The following UNC79 variants were observed in gnomAD, a reference collection of about 807,000 sequenced individuals.
UNC79 encodes unc-79 subunit of NALCN channel complex.
A neutral mutation model predicts 283.1 loss-of-function variants in UNC79; 37 were observed. The ratio of observed to expected loss-of-function variants is 0.13; its 90% CI spans 0.10 to 0.17. The LOEUF (loss-of-function observed/expected upper bound fraction) is 0.17, where lower values mean the gene tolerates loss of function less well. Among genes scored for constraint, UNC79 ranks in the 10% least tolerant of loss-of-function variants. The pLI is 1.00. For synonymous variants in UNC79, 1,107 were observed against 1,200.2 expected (o/e 0.92, Z 1.61); for missense variants, 2,272 against 3,211.1 (o/e 0.71, Z 7.07).
upstream of UNC79, among the ~76,000 whole-genome samples, chr14:93,427,119 T>C (rs1165318073): frequency 6.6e-6 from 1 of 152,230 alleles, no homozygotes; most frequent in Admixed American, 6.5e-5. Context: ...GGCTTTCACA[T>C]GTGTGGTTCA....
At position 93,621,745 on chromosome 14, in the gene UNC79, A is replaced by G. The variant is rs1192376712; in HGVS notation, c.4512A>G (p.Ile1504Met). 1 of 1,614,166 alleles carries G rather than the reference A, an allele frequency of 6.2e-7. No individual in the cohort carries two copies. Among genetic ancestry groups the G allele is most frequent in the Admixed American group, 1.7e-5 (1 of 60,012 alleles). ...CTTTCAAACAAAAATCTCTTGATAT[A>G]GGGAATGCAGACTCGCTTTTGTTTA... Residue 1504 changes from isoleucine to methionine, a missense_variant, in exon 30 of 49, where the codon ATA (isoleucine) becomes ATG (methionine). Coordinates refer to ENST00000555664, the Ensembl canonical transcript of UNC79. This position sits in a 1 kb window ranked among gnomAD's most constrained non-coding sequence, Gnocchi z 4.8.
In UNC79 at chr14:93,390,680, A is replaced by T. The variant is rs140938846; in HGVS notation, c.-351+57157A>T. On this transcript the variant is annotated intron_variant, in intron 1 of 49. Coordinates refer to the UNC79 transcript ENST00000256339. ...TGTATGTCAGCCACATACAGTTGTA[A>T]AATGAAATATAAAAAGCAACCATTT... Among the ~76,000 whole-genome samples, 407 of 152,344 alleles carry T rather than the reference A, an allele frequency of 2.7e-3. 2 individuals are homozygous for T. Among genetic ancestry groups the T allele is most frequent in the African/African-American group, 8.7e-3 (360 of 41,584 alleles).
intron 1 of UNC79, among the ~76,000 whole-genome samples, chr14:93,397,445 C>A (rs1211604600): frequency 1.3e-5 from 2 of 152,194 alleles, no homozygotes; most frequent in Non-Finnish European, 2.9e-5. Flanking sequence ...CCAACTTGAT[C>A]CTGTCCTCTC....
intron 1 of UNC79, among the ~76,000 whole-genome samples, chr14:93,438,689 A>G (rs150225099): frequency 6.7e-6 from 1 of 148,546 alleles, no homozygotes; most frequent in African/African-American, 2.5e-5. Flanking sequence ...CGTAACCCTC[A>G]TTGCGTTAGA....
At chr14:93,574,991 A>G in intron 16 of UNC79, 67 bp from the exon 17 acceptor site, 1 of 1,540,828 alleles carries the variant, frequency 6.5e-7, no homozygotes, top group Non-Finnish European at 8.8e-7. Flanking sequence ...AAGAAGGTTA[A>G]ATATAGCTTT....
At chr14:93,358,302 A>G (rs1471666389) in intron 1 of UNC79, among the ~76,000 whole-genome samples, 1 of 152,188 alleles carries the variant, frequency 6.6e-6, no homozygotes, top group East Asian at 1.9e-4. Context: ...ACCAAGGAAC[A>G]TAATGAAGTT....
chr14:93,630,757 T>G, intron 30 of UNC79, 44 bp from the exon 33 acceptor site: 2 of 1,548,226 alleles, frequency 1.3e-6, no homozygotes, highest in East Asian at 4.5e-5. Context: ...TTGAACTTGC[T>G]TTTAATCAGT....
intron 1 of UNC79, among the ~76,000 whole-genome samples, chr14:93,345,591 G>T (rs1191515192): frequency 6.6e-6 from 1 of 152,070 alleles, no homozygotes. Flanking sequence ...AAAAAATCAT[G>T]GGCTAGAAGA....
At chr14:93,588,205 T>G (rs1209006709) in intron 22 of UNC79, among the ~76,000 whole-genome samples, 1 of 152,134 alleles carries the variant, frequency 6.6e-6, no homozygotes, top group Non-Finnish European at 1.5e-5. Context: ...TAATGATGTT[T>G]GGAGATCCAT....
In UNC79 at chr14:93,643,547, T is replaced by C. The variant is rs1280271564; in HGVS notation, c.5904-10T>C. ...CTTTCATGGAAAGCATGTCTCTCTT[T>C]TCTTTGCAGATGCCATGACTGTGGG... On this transcript the variant is annotated splice_polypyrimidine_tract_variant and intron_variant, in intron 33 of 48. Transcript: ENST00000555664. 1 of 1,613,866 alleles carries C rather than the reference T, an allele frequency of 6.2e-7. No homozygotes were observed. The highest frequency in any genetic ancestry group is 8.5e-7 in the Non-Finnish European group (1 of 1,180,034).
chr14:93,687,094 C>A (rs1400438031), intron 43 of UNC79, among the ~76,000 whole-genome samples: 1 of 152,168 alleles, frequency 6.6e-6, no homozygotes, highest in South Asian at 2.1e-4. Flanking sequence ...GCATCAGTTT[C>A]CTCATTTGAA....
chr14:93,522,100 C>A (rs1006894587), intron 7 of UNC79, among the ~76,000 whole-genome samples: 3 of 151,856 alleles, frequency 2.0e-5, no homozygotes, highest in Non-Finnish European at 2.9e-5. Context: ...AAAATTAAAG[C>A]AGTAGGACCT....
At chr14:93,365,452 C>A (rs2054310194) in intron 1 of UNC79, among the ~76,000 whole-genome samples, 1 of 149,034 alleles carries the variant, frequency 6.7e-6, no homozygotes, top group African/African-American at 2.5e-5. Context: ...AAAATCAATA[C>A]CATAAAAAAG....
intron 9 of UNC79, among the ~76,000 whole-genome samples, 169 bp from the exon 10 acceptor site, chr14:93,529,117 A>G (rs540373750): frequency 6.6e-6 from 1 of 152,322 alleles, no homozygotes; most frequent in Non-Finnish European, 1.5e-5. Flanking sequence ...TATAATTTAT[A>G]ATTTAGCTGG....
chr14:93,632,454 C>G (rs2068105142), intron 31 of UNC79, among the ~76,000 whole-genome samples: 1 of 152,098 alleles, frequency 6.6e-6, no homozygotes, highest in Non-Finnish European at 1.5e-5. Context: ...AATCCCAGCA[C>G]TTGGGAAGCT....
Position 93,460,464 on chromosome 14 carries a change from C to T in UNC79, c.23-7207C>T, listed in dbSNP as rs1463205733. Among the ~76,000 whole-genome samples the T allele has an allele frequency of 6.3e-5, 9 of 143,844 alleles. No homozygotes were observed. In the East Asian group the frequency reaches 1.6e-3, roughly 26 times the overall value. 94.4% of individuals were successfully genotyped at this position (143,844 alleles called of 152,430 possible). The stretch of plus-strand genomic sequence containing the variant: ...GGTGGAGGTTGCAGTGAGCCAAGAT[C>T]GTGCCACTGCACTTCAGCCTGGGCA... On this transcript the variant is annotated intron_variant, in intron 1 of 48. Transcript: ENST00000555664.
At chr14:93,706,735 A>G (rs1484474125) in exon 49 of UNC79, 2 of 1,614,116 alleles carry the variant, frequency 1.2e-6, no homozygotes, top group Non-Finnish European at 1.7e-6. Flanking sequence ...CTTCGCCTCC[A>G]GGCTATTCAG....
At chr14:93,370,849 CAAT>C (rs1339755397) in intron 1 of UNC79, among the ~76,000 whole-genome samples, 4 of 151,692 alleles carry the variant, frequency 2.6e-5, no homozygotes, top group East Asian at 1.9e-4. Flanking sequence ...TTGAAAACAA[CAAT>C]GACAACAAAG....
intron 1 of UNC79, among the ~76,000 whole-genome samples, chr14:93,354,004 G>A (rs1173261043): frequency 6.6e-6 from 1 of 152,176 alleles, no homozygotes; most frequent in Non-Finnish European, 1.5e-5. Flanking sequence ...AACTGGGGGA[G>A]GAGGGAGTCA....
Sources: gnomAD v4.1 joint callset for allele counts (sites outside exome capture counted in the v4.1 genomes callset) on GRCh38, gnomAD v4.1.1 for gene constraint, Gnocchi (gnomAD v3.1) non-coding constraint, MANE v1.5 for transcripts, NCBI Gene and HGNC (gene_info 2026-07-23, HGNC 2026-07-21) for gene names.